The following MEGF6 variants were observed in gnomAD, a reference collection of about 807,000 sequenced individuals.
MEGF6 encodes multiple epidermal growth factor-like domains protein 6.
Under a neutral mutation model 207.1 loss-of-function variants are expected in MEGF6, and 184 were observed. The ratio of observed to expected loss-of-function variants is 0.89; its 90% CI spans 0.79 to 1.00. MEGF6 has a LOEUF of 1.00. Ranked by LOEUF, MEGF6 falls within the 50% of genes least tolerant of loss-of-function variation. The pLI is 0.00. For missense variants in MEGF6, 2,282 were observed against 2,202.9 expected (o/e 1.04, Z -0.72); for synonymous variants, 1,038 against 910.0 (o/e 1.14, Z -2.53).
At chr1:3,620,411 C>T in the MEGF6 span, among the ~76,000 whole-genome samples, 1 of 152,246 alleles carries the variant, frequency 6.6e-6, no homozygotes, top group Non-Finnish European at 1.5e-5. Flanking sequence ...AAATCAGCTC[C>T]AGTCAGGGCC....
intron 4 of MEGF6, among the ~76,000 whole-genome samples, chr1:3,550,388 T>C (rs1490474113): frequency 2.0e-5 from 3 of 152,112 alleles, no homozygotes; most frequent in Non-Finnish European, 4.4e-5. Flanking sequence ...CAGTGTAGGA[T>C]AGGGCGTACC....
At chr1:3,543,633 CAG>C (rs1488098375) in intron 4 of MEGF6, among the ~76,000 whole-genome samples, 3 of 152,234 alleles carry the variant, frequency 2.0e-5, no homozygotes, top group East Asian at 1.9e-4. Context: ...TGCTGGGAGG[CAG>C]AGTCTGTGGC....
Position 3,594,634 on chromosome 1 carries a change from T to G in MEGF6, c.376+704A>C, listed in dbSNP as rs574721529. Reference sequence around the variant, plus strand: ...GACCCCTTTGCCCAGGCGGTTTCACTGGCGGGGCTTCTGTCCCCATGCCTG... The same window carrying G: ...GACCCCTTTGCCCAGGCGGTTTCACGGGCGGGGCTTCTGTCCCCATGCCTG... On this transcript the variant is annotated intron_variant, in intron 3 of 36. Transcript: ENST00000356575. The surrounding 1 kb of genome is among the most constrained non-coding windows in gnomAD (Gnocchi z 4.2). 1.3e-5 allele frequency among the ~76,000 whole-genome samples: 2 copies of G among 152,224 alleles called. 1 individual carries two copies. The highest frequency in any genetic ancestry group is 3.9e-4 in the East Asian group (2 of 5,146).
At chr1:3,558,972 G>T (rs1191981200) in intron 4 of MEGF6, among the ~76,000 whole-genome samples, 1 of 152,200 alleles carries the variant, frequency 6.6e-6, no homozygotes, top group East Asian at 1.9e-4. Context: ...GCTGCAGTGA[G>T]CCATGATTGT....
At chr1:3,608,700 C>A (rs1440977946) in intron 1 of MEGF6, among the ~76,000 whole-genome samples, 1 of 152,202 alleles carries the variant, frequency 6.6e-6, no homozygotes, top group Non-Finnish European at 1.5e-5. Context: ...GAGCTTCCAA[C>A]CATGGCTGGT....
intron 4 of MEGF6, among the ~76,000 whole-genome samples, chr1:3,562,904 C>A (rs1643242203): frequency 6.6e-6 from 1 of 152,170 alleles, no homozygotes; most frequent in African/African-American, 2.4e-5. Context: ...GCTGGGCCAG[C>A]CCCTCTGTAC....
At chr1:3,558,193 C>T (rs1380239676) in intron 4 of MEGF6, among the ~76,000 whole-genome samples, 2 of 152,190 alleles carry the variant, frequency 1.3e-5, no homozygotes, top group East Asian at 1.9e-4. Flanking sequence ...AACTGCCTGA[C>T]CAGCTTTTCT....
At chr1:3,624,176 C>G in the MEGF6 span, 1 of 152,426 alleles carries the variant, frequency 6.6e-6, no homozygotes, top group Admixed American at 6.5e-5. Flanking sequence ...TCCTCCTGCC[C>G]GAAGGTAACC....
chr1:3,506,155 C>A lies in MEGF6; in HGVS notation c.1871G>T (p.Gly624Val). ...GAGCCCTGGGTCGCAGAGGCAGGCC[C>A]CGTAGAGGCGGTGGCACCGGCCCCG... ...ANRGRCHRLY[G>V]ACLCDPGLYG... The change falls in exon 15 of 37, where the codon GGG (glycine) becomes GTG (valine). Residue 624 changes from glycine (G) to valine (V), a missense_variant. Coordinates refer to ENST00000356575, the MANE Select transcript of MEGF6 (RefSeq NM_001409.4). 2.0e-5 allele frequency: 32 copies of A among 1,598,100 alleles called. No homozygotes were observed. Among genetic ancestry groups the A allele is most frequent in the Non-Finnish European group, 2.7e-5 (32 of 1,172,998 alleles).
At chr1:3,574,876 C>T (rs1643599202) in intron 4 of MEGF6, among the ~76,000 whole-genome samples, 1 of 152,170 alleles carries the variant, frequency 6.6e-6, no homozygotes, top group Non-Finnish European at 1.5e-5. Context: ...CTCCTGAGCT[C>T]AAGTGATACA....
At chr1:3,539,379 G>C (rs763352404) in intron 4 of MEGF6, among the ~76,000 whole-genome samples, 1 of 152,070 alleles carries the variant, frequency 6.6e-6, no homozygotes, top group Non-Finnish European at 1.5e-5. Flanking sequence ...AACACGACGG[G>C]AGAGGGGGAG....
intron 30 of MEGF6, 61 bp from the exon 31 acceptor site, chr1:3,494,802 A>G (rs906129594): frequency 1.1e-5 from 17 of 1,480,868 alleles, no homozygotes; most frequent in African/African-American, 1.4e-5. Context: ...CCCTCTGGGG[A>G]TATGTCCCCA....
chr1:3,570,379 G>C (rs191121832), intron 4 of MEGF6, among the ~76,000 whole-genome samples: 5 of 152,196 alleles, frequency 3.3e-5, no homozygotes, highest in African/African-American at 1.2e-4. Context: ...GGACTCGGGG[G>C]ATTTCCAGGG....
intron 3 of MEGF6, among the ~76,000 whole-genome samples, chr1:3,582,132 G>A (rs1455267818): frequency 6.6e-6 from 1 of 152,184 alleles, no homozygotes; most frequent in African/African-American, 2.4e-5. Flanking sequence ...ACCAGGCCCG[G>A]GGCAGCCACT....
At chr1:3,541,814 G>A (rs983535506) in intron 4 of MEGF6, among the ~76,000 whole-genome samples, 1 of 152,046 alleles carries the variant, frequency 6.6e-6, no homozygotes, top group South Asian at 2.1e-4. Context: ...GGGCACAGGG[G>A]CTCCCTGGGG....
intron 11 of MEGF6, 91 bp downstream of exon 11, chr1:3,509,779 G>T: frequency 7.0e-7 from 1 of 1,433,970 alleles, no homozygotes; most frequent in Non-Finnish European, 9.2e-7. Context: ...GCAGGTGGGG[G>T]TGGGGTGGGC....
At chr1:3,605,571 T>C (rs12756109) in intron 1 of MEGF6, among the ~76,000 whole-genome samples, 2 of 150,840 alleles carry the variant, frequency 1.3e-5, no homozygotes, top group Non-Finnish European at 3.0e-5. Flanking sequence ...TACACTCACA[T>C]ACACACACAT....
chr1:3,563,257 C>T (rs1306375848), intron 4 of MEGF6, among the ~76,000 whole-genome samples: 2 of 152,180 alleles, frequency 1.3e-5, no homozygotes, highest in Non-Finnish European at 2.9e-5. Flanking sequence ...GCCCATCTCC[C>T]TGTCACTCAC....
rs191781820 is a variant in MEGF6 at position 3,514,462 on chromosome 1, G to A, written c.853+88C>T. 1.6e-4 allele frequency: 234 copies of A among 1,450,734 alleles called. No individual in the cohort carries two copies. In the African/African-American group the frequency reaches 2.7e-3, roughly 16 times the overall value. The allele number at this position is 1,450,734 out of a possible 1,614,324, so 89.9% of individuals were successfully genotyped here. A position where few individuals can be genotyped will look rare whatever the true frequency, so the allele number is the denominator to read the frequency against. ...AGGGCCTGGTCTCATGGGAGGCCACGGCCCCAGAGTTAGACACGGGTCCCT... is the reference window on the plus strand; with the variant it reads ...AGGGCCTGGTCTCATGGGAGGCCACAGCCCCAGAGTTAGACACGGGTCCCT... On this transcript the variant is annotated intron_variant, in intron 7 of 36. Coordinates refer to ENST00000356575, the MANE Select transcript of MEGF6 (RefSeq NM_001409.4).
Sources: allele counts gnomAD v4.1 joint callset (sites outside exome capture counted in the v4.1 genomes callset), GRCh38; gene constraint gnomAD v4.1.1; non-coding constraint Gnocchi (gnomAD v3.1); transcripts MANE v1.5; gene names NCBI Gene and HGNC (gene_info 2026-07-23, HGNC 2026-07-21).